CTNNA3: variants seen among roughly 807,000 people sequenced by gnomAD.
The protein encoded by CTNNA3 is catenin alpha 3.
CTNNA3 carries 76 observed loss-of-function variants against 95.7 expected under a neutral mutation model. The observed-to-expected ratio is 0.79, with a 90% CI of 0.66 to 0.96. The LOEUF is 0.96. Among genes scored for constraint, CTNNA3 ranks in the 40% least tolerant of loss-of-function variants. CTNNA3 has a pLI of 0.00. For synonymous variants in CTNNA3, 431 were observed against 374.4 expected (o/e 1.15, Z -1.74); for missense variants, 1,191 against 1,089.8 (o/e 1.09, Z -1.31).
intron 1 of CTNNA3, among the ~76,000 whole-genome samples, chr10:67,680,977 T>C (rs934049987): frequency 2.6e-5 from 4 of 152,136 alleles, no homozygotes; most frequent in Admixed American, 6.5e-5. Flanking sequence ...TAAAATATGA[T>C]GGAAGGAAAG....
At chr10:67,311,628 C>G (rs1166827371) in intron 5 of CTNNA3, among the ~76,000 whole-genome samples, 2 of 152,052 alleles carry the variant, frequency 1.3e-5, no homozygotes, top group African/African-American at 4.8e-5. Context: ...TCAAATCATA[C>G]CTCAATAAAG....
At chr10:67,261,335 T>G (rs1866598131) in intron 5 of CTNNA3, among the ~76,000 whole-genome samples, 1 of 152,164 alleles carries the variant, frequency 6.6e-6, no homozygotes, top group African/African-American at 2.4e-5. Context: ...ACCTGCAATT[T>G]AACTGAGTTC....
chr10:66,738,333 T>C (rs1849214869), intron 9 of CTNNA3, among the ~76,000 whole-genome samples: 1 of 152,210 alleles, frequency 6.6e-6, no homozygotes, highest in African/African-American at 2.4e-5. Flanking sequence ...TAGCTGATTC[T>C]GTTTTTACCA....
chr10:67,750,356 C>G, intron 1 of CTNNA3: 2 of 1,508,570 alleles, frequency 1.3e-6, no homozygotes, highest in African/African-American at 1.4e-5. Context: ...GAAGTCTCCT[C>G]TCGGCAAAGT....
At position 66,558,354 on chromosome 10, in the gene CTNNA3, T is replaced by C. The variant is rs977896142; in HGVS notation, c.1375-37581A>G. Among the ~76,000 whole-genome samples, 4 of 152,132 alleles carry C rather than the reference T, an allele frequency of 2.6e-5. No homozygotes were observed. In the East Asian group the frequency reaches 7.7e-4, roughly 29 times the overall value. On this transcript the variant is annotated intron_variant, in intron 10 of 17. Coordinates refer to ENST00000433211, the MANE Select transcript of CTNNA3 (RefSeq NM_013266.4). ...TTTAAATGTCTTTCTTTCCTACTCT[T>C]GCCAAGATTTTGTTCATATTATCAT... is the stretch of plus-strand genomic sequence containing the variant.
intron 5 of CTNNA3, among the ~76,000 whole-genome samples, chr10:67,469,770 AAAAG>A (rs1847747866): frequency 6.6e-6 from 1 of 152,166 alleles, no homozygotes; most frequent in South Asian, 2.1e-4. Flanking sequence ...AAAAATAAAA[AAAAG>A]AAAAGTGATG....
At chr10:67,699,018 C>T (rs1049907203), upstream of CTNNA3, among the ~76,000 whole-genome samples, 9 of 152,058 alleles carry the variant, frequency 5.9e-5, no homozygotes, top group Non-Finnish European at 4.4e-5. Flanking sequence ...TCTCTACCCT[C>T]CCTCCTATTA....
At position 66,051,363 on chromosome 10, in the gene CTNNA3, A is replaced by G. The variant is rs78519914; in HGVS notation, c.2159+17945T>C. 4.0e-3 allele frequency among the ~76,000 whole-genome samples: 616 copies of G among 152,312 alleles called. 1 individual carries two copies. The highest frequency in any genetic ancestry group is 6.7e-3 in the Non-Finnish European group (454 of 68,024). On this transcript the variant is annotated intron_variant, in intron 15 of 17. Transcript: ENST00000433211. ...ACATGAATGAACAAATAAGTGAATG[A>G]ATCTTTGACTTCTTTATTCAGTTTC... is the stretch of plus-strand genomic sequence containing the variant.
intron 7 of CTNNA3, among the ~76,000 whole-genome samples, chr10:66,784,581 C>T (rs1840665081): frequency 6.6e-6 from 1 of 152,088 alleles, no homozygotes; most frequent in Non-Finnish European, 1.5e-5. Flanking sequence ...AAATCTCCAT[C>T]TAATATTTGA....
intron 1 of CTNNA3, among the ~76,000 whole-genome samples, chr10:67,714,877 GTTCTC>G (rs1398717815): frequency 6.6e-6 from 1 of 152,328 alleles, no homozygotes; most frequent in African/African-American, 2.4e-5. Context: ...CCCTGCACAA[GTTCTC>G]TTCTCTTATC....
intron 9 of CTNNA3, among the ~76,000 whole-genome samples, chr10:66,631,588 C>A (rs1317085289): frequency 6.6e-6 from 1 of 152,018 alleles, no homozygotes; most frequent in Non-Finnish European, 1.5e-5. Flanking sequence ...CACTAAAAAA[C>A]AAACTCAAAA....
At chr10:67,234,280 C>A (rs538794997) in intron 5 of CTNNA3, among the ~76,000 whole-genome samples, 1 of 152,154 alleles carries the variant, frequency 6.6e-6, no homozygotes, top group African/African-American at 2.4e-5. Context: ...TACTGGGAAA[C>A]CAAATCCAGC....
intron 3 of CTNNA3, among the ~76,000 whole-genome samples, chr10:67,605,760 C>A (rs1026575864): frequency 5.3e-5 from 8 of 151,342 alleles, no homozygotes; most frequent in South Asian, 2.1e-4. Context: ...CTCACTGCAA[C>A]CTCTGCCTCC....
At chr10:66,584,183 T>G (rs1164274077) in intron 10 of CTNNA3, among the ~76,000 whole-genome samples, 1 of 151,942 alleles carries the variant, frequency 6.6e-6, no homozygotes, top group Non-Finnish European at 1.5e-5. Flanking sequence ...TCTGTAAATA[T>G]CTGTTAGGCT....
At chr10:67,172,044 CAACA>C (rs1260521319) in intron 7 of CTNNA3, among the ~76,000 whole-genome samples, 2 of 152,164 alleles carry the variant, frequency 1.3e-5, no homozygotes, top group African/African-American at 4.8e-5. Flanking sequence ...ATATTTCCTA[CAACA>C]AACAACCTAT....
intron 10 of CTNNA3, among the ~76,000 whole-genome samples, chr10:66,542,465 A>C (rs1342791211): frequency 1.3e-5 from 2 of 152,156 alleles, no homozygotes; most frequent in Non-Finnish European, 2.9e-5. Context: ...CACTACTCAC[A>C]ATAGCAAAGA....
At chr10:66,709,884 T>G (rs1848236518) in intron 9 of CTNNA3, among the ~76,000 whole-genome samples, 1 of 152,138 alleles carries the variant, frequency 6.6e-6, no homozygotes, top group South Asian at 2.1e-4. Context: ...AATGTGTAAA[T>G]TTCGCTGTTG....
Position 67,180,435 on chromosome 10 carries a change from C to A in CTNNA3, c.929G>T (p.Gly310Val), listed in dbSNP as rs1862475357. 1.2e-6 allele frequency: 2 copies of A among 1,613,578 alleles called. No homozygotes were observed. The highest frequency in any genetic ancestry group is 1.7e-6 in the Non-Finnish European group (2 of 1,179,838). The change falls in exon 7 of 18, where the codon GGG becomes GTG. Residue 310 changes from glycine to valine, a missense_variant. Gly to Val is a moderately radical substitution (Grantham distance 109, BLOSUM62 -3). Transcript: ENST00000433211. ...TGAAGAATCCGCCAGCAGAGCAGCC[C>A]CACTGATAATGGCTTCAAGGCGTTT... ...LEKRLEAIIS[G>V]AALLADSSCT...
chr10:67,316,124 T>C (rs190620981), intron 5 of CTNNA3, among the ~76,000 whole-genome samples: 4 of 152,282 alleles, frequency 2.6e-5, no homozygotes, highest in Admixed American at 1.3e-4. Context: ...TCCAGTTTTA[T>C]TTCAATCTCT....
Sources: allele counts gnomAD v4.1 joint callset (sites outside exome capture counted in the v4.1 genomes callset), GRCh38; gene constraint gnomAD v4.1.1; transcripts MANE v1.5; gene names NCBI Gene and HGNC (gene_info 2026-07-23, HGNC 2026-07-21).